The following MIB1 variants were observed in gnomAD, a reference collection of about 807,000 sequenced individuals.
MIB1 encodes the protein E3 ubiquitin-protein ligase MIB1.
In MIB1, 278 loss-of-function variants were observed where a neutral mutation model predicts 124.5. That is an observed-to-expected ratio of 2.23 (90% CI 2.02 to 2.47). MIB1 has a LOEUF of 2.47. Ranked by LOEUF, MIB1 falls within the 30% of genes most tolerant of loss-of-function variation. The pLI, the probability that MIB1 is intolerant of heterozygous loss-of-function variation, is 0.00. For missense variants in MIB1, 957 were observed against 1,254.4 expected (o/e 0.76, Z 3.58); for synonymous variants, 446 against 429.4 (o/e 1.04, Z -0.48).
intron 6 of MIB1, among the ~76,000 whole-genome samples, chr18:21,786,691 T>C (rs547060724): frequency 1.3e-5 from 2 of 152,318 alleles, no homozygotes; most frequent in South Asian, 4.1e-4. Context: ...CCCACTGTTT[T>C]TATTTTTTTC....
At position 21,741,851 on chromosome 18, in the gene MIB1, G is replaced by A; in HGVS notation, c.229+39G>A. 1 of 1,513,908 alleles carries A rather than the reference G, an allele frequency of 6.6e-7. No individual in the cohort carries two copies. Among genetic ancestry groups the A allele is most frequent in the Non-Finnish European group, 8.9e-7 (1 of 1,125,010 alleles). 93.8% of individuals were successfully genotyped at this position (1,513,908 alleles called of 1,614,324 possible). A position where few individuals can be genotyped will look rare whatever the true frequency, so the allele number is the denominator to read the frequency against. ...ACCTGGCCAGGGCTTGCGCGCGCGG[G>A]GGGAAGGGGCGAGCTGCGGTGGGCG... On this transcript the variant is annotated intron_variant, in intron 1 of 20. Transcript: ENST00000261537. The surrounding 1 kb of genome is among the most constrained non-coding windows in gnomAD (Gnocchi z 5.4).
intron 4 of MIB1, among the ~76,000 whole-genome samples, chr18:21,774,635 TAA>T (rs2041260082): frequency 6.6e-6 from 1 of 152,168 alleles, no homozygotes; most frequent in African/African-American, 2.4e-5. Flanking sequence ...TAGAGTATAA[TAA>T]ATAAATGCCA....
intron 1 of MIB1, among the ~76,000 whole-genome samples, chr18:21,744,785 T>C (rs2040894259): frequency 6.6e-6 from 1 of 152,266 alleles, no homozygotes; most frequent in Non-Finnish European, 1.5e-5. Context: ...TTCGTATGTC[T>C]CATTAATTAT....
Position 21,853,200 on chromosome 18 carries a change from CACATG to C in MIB1, c.2648_2652del (p.His883LeufsTer4). ...AGCTGTTCTTTTTCAACCCTGTGGCCACATGTGTGCTTGTGAGAGTAAGTAGCCTA... is the reference window on the plus strand; with the variant it reads ...AGCTGTTCTTTTTCAACCCTGTGGCCTGTGCTTGTGAGAGTAAGTAGCCTA... On this transcript the variant is annotated frameshift_variant, in exon 18 of 21. Coordinates refer to ENST00000261537, the MANE Select transcript of MIB1 (RefSeq NM_020774.4). LOFTEE classifies it high-confidence loss of function. 1 of 1,611,480 alleles carries C rather than the reference CACATG, an allele frequency of 6.2e-7. No homozygotes were observed.
chr18:21,787,256 C>T (rs1359929267), intron 6 of MIB1, among the ~76,000 whole-genome samples: 2 of 152,056 alleles, frequency 1.3e-5, no homozygotes, highest in African/African-American at 4.8e-5. Flanking sequence ...AAAAGTGGTA[C>T]CTTGGCTATG....
In MIB1 at chr18:21,844,074, G is replaced by C. The variant is rs769472435; in HGVS notation, c.2050-18G>C. ...GGATGTGGACACTTTGCCAAAATGA[G>C]ACATCTTTCTCTTTTAGCTTTTGGT... is the stretch of plus-strand genomic sequence containing the variant. On this transcript the variant is annotated intron_variant, in intron 14 of 20. Coordinates refer to ENST00000261537, the MANE Select transcript of MIB1 (RefSeq NM_020774.4). 3.1e-6 allele frequency: 5 copies of C among 1,612,238 alleles called. No individual in the cohort carries two copies. Among genetic ancestry groups the C allele is most frequent in the Non-Finnish European group, 4.2e-6 (5 of 1,179,134 alleles).
rs57641355 is a variant in MIB1 at position 21,781,365 on chromosome 18, T to TTATA, written c.908+1727_908+1730dup. Among the ~76,000 whole-genome samples, 364 of 66,966 alleles carry TTATA rather than the reference T, an allele frequency of 5.4e-3. 2 individuals carry two copies. The highest frequency in any genetic ancestry group is 6.9e-3 in the Middle Eastern group (1 of 144). 43.9% of individuals were successfully genotyped at this position (66,966 alleles called of 152,430 possible). A position where few individuals can be genotyped will look rare whatever the true frequency, so the allele number is the denominator to read the frequency against. On this transcript the variant is annotated intron_variant, in intron 6 of 20. Coordinates refer to ENST00000261537, the MANE Select transcript of MIB1 (RefSeq NM_020774.4). ...GTTACTCATTATTGGTCTGTTCAAG[T>TTATA]TATATATATATATATATATATATAT...
At chr18:21,786,613 G>T (rs139022449) in intron 6 of MIB1, among the ~76,000 whole-genome samples, 180 of 151,974 alleles carry the variant, frequency 1.2e-3, no homozygotes, top group African/African-American at 4.2e-3. Flanking sequence ...TCTATATCTT[G>T]TAGGCCTTCT....
At chr18:21,827,513 A>G (rs989903975) in intron 12 of MIB1, 46 of 152,192 alleles carry the variant, frequency 3.0e-4, no homozygotes, top group African/African-American at 1.1e-3. Flanking sequence ...GAGTATTTTT[A>G]TAGAAGAACC....
intron 18 of MIB1, among the ~76,000 whole-genome samples, chr18:21,856,731 AATAAAGAAAT>A (rs1478875471): frequency 1.1e-4 from 17 of 152,332 alleles, no homozygotes; most frequent in African/African-American, 4.1e-4. Context: ...GTAAAATAAA[AATAAAGAAAT>A]ATAAAGAAAA....
chr18:21,760,070 C>A (rs1387813745), intron 1 of MIB1, among the ~76,000 whole-genome samples: 1 of 151,884 alleles, frequency 6.6e-6, no homozygotes, highest in Non-Finnish European at 1.5e-5. Context: ...CATTTAACGG[C>A]GGCAGATGTC....
At chr18:21,831,261 T>G (rs1409998107) in intron 12 of MIB1, 1 of 150,580 alleles carries the variant, frequency 6.6e-6, no homozygotes, top group Non-Finnish European at 1.5e-5. Context: ...TTAGATTTTT[T>G]TTTTTTTTTT....
intron 4 of MIB1, among the ~76,000 whole-genome samples, chr18:21,776,182 A>T (rs1036440507): frequency 6.6e-6 from 1 of 151,646 alleles, no homozygotes; most frequent in East Asian, 1.9e-4. Context: ...GTGGAAGTAG[A>T]AGGATCACTT....
At chr18:21,786,654 T>C (rs2041439271) in intron 6 of MIB1, among the ~76,000 whole-genome samples, 1 of 152,174 alleles carries the variant, frequency 6.6e-6, no homozygotes, top group South Asian at 2.1e-4. Flanking sequence ...TTCTCTTCTG[T>C]GTATTTTCAA....
At chr18:21,757,451 CA>C (rs1202189616) in intron 1 of MIB1, among the ~76,000 whole-genome samples, 353 of 13,268 alleles carry the variant, frequency 0.027, no homozygotes, top group African/African-American at 0.11. Flanking sequence ...GACTCTGTCT[CA>C]AAAAAAAAAA....
chr18:21,824,456 C>T (rs2041906959), intron 12 of MIB1, among the ~76,000 whole-genome samples: 1 of 152,140 alleles, frequency 6.6e-6, no homozygotes, highest in Non-Finnish European at 1.5e-5. Context: ...TTCCTTACAA[C>T]TGTAAACATG....
intron 1 of MIB1, among the ~76,000 whole-genome samples, chr18:21,722,906 T>C (rs2040721859): frequency 6.6e-6 from 1 of 152,196 alleles, no homozygotes; most frequent in Non-Finnish European, 1.5e-5. Context: ...AAGCAGTTGT[T>C]TGCCAGGTTT....
At chr18:21,812,413 GA>G (rs2041784469) in intron 10 of MIB1, 1 of 152,224 alleles carries the variant, frequency 6.6e-6, no homozygotes, top group South Asian at 2.1e-4. Flanking sequence ...ACTTTGGTGT[GA>G]AGAATAGATT....
chr18:21,723,248 T>G (rs1368595382), intron 1 of MIB1, among the ~76,000 whole-genome samples: 1 of 152,174 alleles, frequency 6.6e-6, no homozygotes, highest in Admixed American at 6.6e-5. Context: ...ATTATTTTGT[T>G]TTTTTTAAGC....
Sources: gnomAD v4.1 joint callset for allele counts (sites outside exome capture counted in the v4.1 genomes callset) on GRCh38, gnomAD v4.1.1 for gene constraint, Gnocchi (gnomAD v3.1) non-coding constraint, MANE v1.5 for transcripts, NCBI Gene and HGNC (gene_info 2026-07-23, HGNC 2026-07-21) for gene names.